Variants in TBC1D19 observed in about 807,000 individuals in gnomAD.
The protein encoded by TBC1D19 is TBC1 domain family, member 19.
A neutral mutation model predicts 89.0 loss-of-function variants in TBC1D19; 60 were observed. The observed-to-expected ratio is 0.67, with a 90% CI of 0.55 to 0.84. The LOEUF (loss-of-function observed/expected upper bound fraction) is 0.84, where lower values mean the gene tolerates loss of function less well. Ranked by LOEUF, TBC1D19 falls within the 40% of genes least tolerant of loss-of-function variation. The probability of loss-of-function intolerance (pLI) is 0.00; values close to 1 mark genes in which losing one functional copy is unlikely to be tolerated. For missense variants in TBC1D19, 500 were observed against 610.8 expected (o/e 0.82, Z 1.91); for synonymous variants, 189 against 199.7 (o/e 0.95, Z 0.45).
chr4:26,720,868 A>T (rs188122835), intron 15 of TBC1D19, among the ~76,000 whole-genome samples: 36 of 152,230 alleles, frequency 2.4e-4, no homozygotes, highest in South Asian at 4.1e-4. Context: ...TGGATAATAG[A>T]TTACATGAGA....
At chr4:26,678,814 A>G (rs1345525400) in intron 11 of TBC1D19, among the ~76,000 whole-genome samples, 2 of 152,114 alleles carry the variant, frequency 1.3e-5, no homozygotes, top group African/African-American at 2.4e-5. Flanking sequence ...TTCGTCCTAT[A>G]ATCATCTTTT....
the TBC1D19 span, among the ~76,000 whole-genome samples, chr4:26,836,883 C>T: frequency 6.6e-6 from 1 of 152,328 alleles, no homozygotes; most frequent in Admixed American, 6.5e-5. Flanking sequence ...CCCTCTGTTT[C>T]TTCCATTTAC....
intron 13 of TBC1D19, among the ~76,000 whole-genome samples, chr4:26,715,574 A>T (rs1716540599): frequency 6.6e-6 from 1 of 152,104 alleles, no homozygotes; most frequent in Non-Finnish European, 1.5e-5. Context: ...TACAGTTTAA[A>T]TGAAACCCTC....
At position 26,754,870 on chromosome 4, in the gene TBC1D19, C is replaced by T. The variant is rs763556394; in HGVS notation, c.1507-3C>T. On this transcript the variant is annotated splice_polypyrimidine_tract_variant and splice_region_variant and intron_variant, in intron 20 of 20. Transcript: ENST00000264866. ...TAATAATTCTTTTTATTTTTTGTTT[C>T]AGGCAGTTCTTGCTGACCTTTCTAC... 1.9e-6 allele frequency: 3 copies of T among 1,589,698 alleles called. No individual in the cohort carries two copies. The highest frequency in any genetic ancestry group is 2.6e-6 in the Non-Finnish European group (3 of 1,172,758).
At chr4:26,825,832 G>A in the TBC1D19 span, among the ~76,000 whole-genome samples, 3 of 152,206 alleles carry the variant, frequency 2.0e-5, no homozygotes, top group African/African-American at 7.2e-5. Flanking sequence ...TCAGTAGGAT[G>A]AATAAGGCCA....
chr4:26,712,829 A>G (rs960760820), intron 13 of TBC1D19, among the ~76,000 whole-genome samples: 1 of 152,036 alleles, frequency 6.6e-6, no homozygotes, highest in African/African-American at 2.4e-5. Context: ...TCCCACAGAG[A>G]TACATTAATC....
intron 7 of TBC1D19, among the ~76,000 whole-genome samples, chr4:26,654,752 T>C: frequency 6.6e-6 from 1 of 152,186 alleles, no homozygotes; most frequent in Non-Finnish European, 1.5e-5. Context: ...CTTCTCTGCA[T>C]TGGTTATTCT....
At chr4:26,597,147 T>G (rs1327898950) in intron 1 of TBC1D19, among the ~76,000 whole-genome samples, 1 of 152,242 alleles carries the variant, frequency 6.6e-6, no homozygotes, top group Non-Finnish European at 1.5e-5. Context: ...TTCCATCAGC[T>G]ATTAAAATAA....
chr4:26,665,415 C>T lies in TBC1D19; in HGVS notation c.592-918C>T, dbSNP rs139761108. Among the ~76,000 whole-genome samples, 37 of 151,778 alleles carry T rather than the reference C, an allele frequency of 2.4e-4. No homozygotes were observed. The East Asian group carries it at 7.0e-3, about 29-fold the overall frequency. On this transcript the variant is annotated intron_variant, in intron 8 of 20. Transcript: ENST00000264866. ...AGCAATTAGAATAGTTAACAAAATG[C>T]TGAGGAAAATATTAATAGAAATATT...
At chr4:26,830,296 G>A in the TBC1D19 span, among the ~76,000 whole-genome samples, 30 of 152,258 alleles carry the variant, frequency 2.0e-4, no homozygotes, top group Middle Eastern at 0.01. Flanking sequence ...GACTCTACTG[G>A]GTGGTTCCCA....
intron 15 of TBC1D19, among the ~76,000 whole-genome samples, chr4:26,734,937 T>C (rs575720660): frequency 1.7e-5 from 1 of 59,204 alleles, no homozygotes; most frequent in African/African-American, 4.5e-5. Flanking sequence ...TATATGTGTG[T>C]ATATATGTAT....
At chr4:26,677,263 TA>T (rs1224183771) in intron 11 of TBC1D19, among the ~76,000 whole-genome samples, 1 of 150,482 alleles carries the variant, frequency 6.6e-6, no homozygotes, top group Admixed American at 6.6e-5. Context: ...TTGCCTGGAT[TA>T]AAAAAAAACA....
intron 1 of TBC1D19, among the ~76,000 whole-genome samples, chr4:26,592,869 C>T (rs1739914379): frequency 6.6e-6 from 1 of 152,210 alleles, no homozygotes; most frequent in Non-Finnish European, 1.5e-5. Flanking sequence ...ACATTCCATG[C>T]TCATGGGTGG....
At chr4:26,590,397 T>C (rs1356765724) in intron 1 of TBC1D19, among the ~76,000 whole-genome samples, 1 of 152,236 alleles carries the variant, frequency 6.6e-6, no homozygotes, top group Non-Finnish European at 1.5e-5. Flanking sequence ...GATTGGTATG[T>C]AATTTTCCTT....
At chr4:26,716,989 T>G (rs1405099525) in intron 13 of TBC1D19, among the ~76,000 whole-genome samples, 6 of 152,100 alleles carry the variant, frequency 3.9e-5, no homozygotes, top group Admixed American at 3.9e-4. Context: ...GTACCACTTA[T>G]GTAGTCATTT....
chr4:26,672,100 G>C (rs1271732619), intron 9 of TBC1D19, 49 bp from the exon 10 acceptor site: 1 of 843,426 alleles, frequency 1.2e-6, no homozygotes, highest in African/African-American at 1.7e-5. Flanking sequence ...TTCTAAATGT[G>C]ATTGCTCATA....
intron 4 of TBC1D19, among the ~76,000 whole-genome samples, chr4:26,635,372 A>G (rs1008986640): frequency 6.6e-6 from 1 of 152,108 alleles, no homozygotes; most frequent in East Asian, 1.9e-4. Flanking sequence ...ATGTTTGCTC[A>G]TTAACAATGT....
chr4:26,630,796 G>A (rs894945788), intron 4 of TBC1D19, among the ~76,000 whole-genome samples: 21 of 138,678 alleles, frequency 1.5e-4, no homozygotes, highest in African/African-American at 2.0e-4. Context: ...ACTGGTCCTC[G>A]TTTTGTGCTT....
At chr4:26,639,419 A>C (rs1339770985) in intron 6 of TBC1D19, among the ~76,000 whole-genome samples, 2 of 150,884 alleles carry the variant, frequency 1.3e-5, no homozygotes, top group East Asian at 3.9e-4. Context: ...TAAATTATCC[A>C]GTGGATTTTT....
Sources: allele counts gnomAD v4.1 joint callset (sites outside exome capture counted in the v4.1 genomes callset), GRCh38; gene constraint gnomAD v4.1.1; transcripts MANE v1.5; gene names NCBI Gene and HGNC (gene_info 2026-07-23, HGNC 2026-07-21).